The following FRMPD4 variants were observed in gnomAD, a reference collection of about 807,000 sequenced individuals.
FRMPD4 encodes FERM and PDZ domain containing 4.
In FRMPD4, 22 loss-of-function variants were observed where a neutral mutation model predicts 94.1. That is an observed-to-expected ratio of 0.23 (90% CI 0.17 to 0.33). The LOEUF (loss-of-function observed/expected upper bound fraction) is 0.33, where lower values mean the gene tolerates loss of function less well. FRMPD4 is among the 10% of genes least tolerant of loss of function. FRMPD4 has a pLI of 1.00. For missense variants in FRMPD4, 1,111 were observed against 1,339.9 expected, an observed-to-expected ratio of 0.83 and a Z score of 2.67; for synonymous variants, 631 against 548.6, an observed-to-expected ratio of 1.15 and a Z score of -2.10.
intron 4 of FRMPD4, among the ~76,000 whole-genome samples, chrX:12,653,417 T>G: frequency 1.8e-5 from 2 of 112,294 alleles, no homozygotes; most frequent in Non-Finnish European, 3.8e-5. Flanking sequence ...AATCATTTTG[T>G]CTATTTGTTT....
chrX:12,520,916 C>T (rs1274285283), intron 2 of FRMPD4, among the ~76,000 whole-genome samples: 1 of 111,667 alleles, frequency 9.0e-6, no homozygotes, highest in Non-Finnish European at 1.9e-5. Context: ...CTAATGGGAC[C>T]AGGAATCAGC....
At chrX:11,972,841 G>T (rs753819986) in intron 3 of FRMPD4, among the ~76,000 whole-genome samples, 36 of 112,559 alleles carry the variant, frequency 3.2e-4, no homozygotes, top group Non-Finnish European at 1.5e-4. Context: ...AGGTGGCCTA[G>T]CCTTGTGAGT....
chrX:12,681,475 G>C (rs1018427529), intron 5 of FRMPD4, among the ~76,000 whole-genome samples: 1 of 111,633 alleles, frequency 9.0e-6, no homozygotes, highest in Non-Finnish European at 1.9e-5. Flanking sequence ...CTATTCTTTC[G>C]GTTTCTTGCT....
At chrX:12,344,247 G>A (rs751593778) in intron 1 of FRMPD4, among the ~76,000 whole-genome samples, 1 of 111,749 alleles carries the variant, frequency 8.9e-6, no homozygotes, top group African/African-American at 3.3e-5. Context: ...GTAGGTCTTC[G>A]TTGAAGGTCT....
chrX:12,501,445 T>G (rs2057919508), intron 2 of FRMPD4, among the ~76,000 whole-genome samples: 1 of 109,751 alleles, frequency 9.1e-6, no homozygotes, highest in Non-Finnish European at 1.9e-5. Context: ...TTTCCTTGTT[T>G]TTTTTTTTTT....
chrX:11,922,109 T>A (rs1403372876), intron 3 of FRMPD4, among the ~76,000 whole-genome samples: 1 of 111,148 alleles, frequency 9.0e-6, no homozygotes, highest in Non-Finnish European at 1.9e-5. Context: ...TATTAGGCAT[T>A]CTTGCACTGC....
chrX:12,387,977 T>TA (rs57694212), intron 1 of FRMPD4, among the ~76,000 whole-genome samples: 417 of 93,531 alleles, frequency 4.5e-3, no homozygotes, highest in African/African-American at 0.011. Flanking sequence ...GAATCAATCT[T>TA]AAAAAAAAAA....
chrX:12,080,678 G>C (rs5933955), intron 3 of FRMPD4, among the ~76,000 whole-genome samples: 1 of 112,195 alleles, frequency 8.9e-6, no homozygotes, highest in Non-Finnish European at 1.9e-5. Context: ...AGAAAAATAA[G>C]AGGAAGCATC....
intron 1 of FRMPD4, among the ~76,000 whole-genome samples, chrX:12,316,444 T>C (rs1272684637): frequency 8.9e-6 from 1 of 111,776 alleles, no homozygotes; most frequent in Non-Finnish European, 1.9e-5. Context: ...TGAGCTGCCG[T>C]GCCCAGCCCA....
intron 5 of FRMPD4, 108 bp from the exon 6 acceptor site, chrX:12,683,375 G>A: frequency 2.2e-6 from 1 of 449,238 alleles, no homozygotes; most frequent in East Asian, 3.9e-5. Flanking sequence ...CATGCACCAA[G>A]CATTTTATTT....
intron 1 of FRMPD4, among the ~76,000 whole-genome samples, chrX:12,301,971 A>G (rs779715480): frequency 8.9e-6 from 1 of 112,267 alleles, no homozygotes; most frequent in African/African-American, 3.2e-5. Context: ...GTCTCCACAC[A>G]GCAGAGTACT....
intron 2 of FRMPD4, among the ~76,000 whole-genome samples, chrX:11,875,717 C>T (rs764395244): frequency 2.6e-4 from 29 of 110,362 alleles, no homozygotes; most frequent in South Asian, 4.0e-4. Context: ...CCTCTCTTTG[C>T]GGCACACTCA....
intron 4 of FRMPD4, among the ~76,000 whole-genome samples, chrX:12,644,579 G>T (rs920303): frequency 0.022 from 2,451 of 111,077 alleles, 60 homozygotes; most frequent in African/African-American, 0.076. Context: ...CATGTCTGTG[G>T]TTCACCTTCC....
At chrX:12,358,423 G>A (rs2055928480) in intron 1 of FRMPD4, among the ~76,000 whole-genome samples, 1 of 111,245 alleles carries the variant, frequency 9.0e-6, no homozygotes, top group Non-Finnish European at 1.9e-5. Context: ...GTCTTATCTT[G>A]TATATCTATT....
At chrX:12,399,230 C>T (rs187678113) in intron 1 of FRMPD4, among the ~76,000 whole-genome samples, 1 of 111,893 alleles carries the variant, frequency 8.9e-6, no homozygotes, top group Non-Finnish European at 1.9e-5. Context: ...TTCATGTCCA[C>T]CTTGTTCCCT....
chrX:12,417,322 T>A (rs961691952), intron 1 of FRMPD4, among the ~76,000 whole-genome samples: 1 of 111,202 alleles, frequency 9.0e-6, no homozygotes, highest in African/African-American at 3.3e-5. Flanking sequence ...CTCACGCCTG[T>A]AATCCCAGCA....
intron 1 of FRMPD4, among the ~76,000 whole-genome samples, chrX:11,840,727 T>C (rs1461474924): frequency 1.0e-5 from 1 of 95,439 alleles, no homozygotes. Context: ...TTTTATTTTT[T>C]ATTTTTTATT....
intron 3 of FRMPD4, among the ~76,000 whole-genome samples, chrX:11,902,084 C>T (rs1267325913): frequency 4.5e-5 from 5 of 112,288 alleles, no homozygotes; most frequent in South Asian, 3.7e-4. Context: ...TCTTTTGCTG[C>T]GTAGAACATG....
At chrX:12,168,494 A>T (rs958417275) in intron 1 of FRMPD4, among the ~76,000 whole-genome samples, 2 of 111,370 alleles carry the variant, frequency 1.8e-5, no homozygotes, top group African/African-American at 6.5e-5. Flanking sequence ...AATATAATTT[A>T]GGAAGATTTT....
Sources: allele counts gnomAD v4.1 joint callset (sites outside exome capture counted in the v4.1 genomes callset), GRCh38; gene constraint gnomAD v4.1.1; transcripts MANE v1.5; gene names NCBI Gene and HGNC (gene_info 2026-07-23, HGNC 2026-07-21).